Variants in AP4E1 observed in about 807,000 individuals in gnomAD.
AP4E1 encodes the protein AP-4 complex subunit epsilon-1.
AP4E1 carries 56 observed loss-of-function variants against 128.2 expected under a neutral mutation model. The ratio of observed to expected loss-of-function variants is 0.44; its 90% CI spans 0.35 to 0.55. AP4E1 has a LOEUF of 0.55. Ranked by LOEUF, AP4E1 falls within the 20% of genes least tolerant of loss-of-function variation. AP4E1 has a pLI of 0.00. For synonymous variants in AP4E1, 484 were observed against 473.1 expected (o/e 1.02, Z -0.30); for missense variants, 1,324 against 1,307.7 (o/e 1.01, Z -0.19).
chr15:50,934,142 A>G (rs1413287255), intron 7 of AP4E1, among the ~76,000 whole-genome samples: 1 of 152,030 alleles, frequency 6.6e-6, no homozygotes, highest in East Asian at 1.9e-4. Context: ...CTTTTTTTAT[A>G]TTTAATGTAA....
chr15:50,988,891 A>G (rs2064766789), intron 16 of AP4E1, among the ~76,000 whole-genome samples: 3 of 152,176 alleles, frequency 2.0e-5, no homozygotes, highest in Admixed American at 6.5e-5. Context: ...ATTTGCTAAA[A>G]TGTCTTATTT....
At chr15:50,949,074 C>T (rs943752557) in intron 11 of AP4E1, among the ~76,000 whole-genome samples, 3 of 151,830 alleles carry the variant, frequency 2.0e-5, no homozygotes, top group African/African-American at 7.3e-5. Context: ...TTGTCCTAGT[C>T]AGTGCTGTAG....
intron 10 of AP4E1, among the ~76,000 whole-genome samples, chr15:50,942,309 G>A (rs2063998895): frequency 6.6e-6 from 1 of 152,108 alleles, no homozygotes; most frequent in South Asian, 2.1e-4. Context: ...GAAGGAATTA[G>A]GTCCAGTCAT....
At chr15:50,987,608 C>T (rs1312504831) in intron 16 of AP4E1, among the ~76,000 whole-genome samples, 4 of 152,096 alleles carry the variant, frequency 2.6e-5, no homozygotes, top group African/African-American at 7.2e-5. Context: ...TGTAGTTGAG[C>T]GGTTTTGAGT....
In AP4E1 at chr15:50,958,709, A is replaced by G; in HGVS notation, c.1766A>G (p.His589Arg). 7 of 1,614,172 alleles carry G rather than the reference A, an allele frequency of 4.3e-6. No homozygotes were observed. Among genetic ancestry groups the G allele is most frequent in the Non-Finnish European group, 5.9e-6 (7 of 1,180,012 alleles). The change falls in exon 14 of 21, where the codon CAT becomes CGT. Residue 589 changes from histidine (H) to arginine (R), a missense_variant. Physicochemically the swap from His to Arg is conservative, Grantham distance 29. Coordinates refer to ENST00000261842, the MANE Select transcript of AP4E1 (RefSeq NM_007347.5). ...TISLDTCMRQ[H>R]AFELKHLHEN... ...TCTTTGGATACTTGTATGAGACAAC[A>G]TGCATTTGAATTAAAACATTTGCAT...
intron 10 of AP4E1, among the ~76,000 whole-genome samples, chr15:50,944,509 C>T (rs1023978495): frequency 2.0e-5 from 3 of 151,962 alleles, no homozygotes; most frequent in Admixed American, 6.6e-5. Flanking sequence ...TGAAGCAGCT[C>T]CATAAGTTGA....
At position 50,912,067 on chromosome 15, in the gene AP4E1, C is replaced by T. The variant is rs1384014717; in HGVS notation, c.151-11C>T. Reference sequence around the variant, plus strand: ...AGTTAATCAAGCATTTAAATATTTTCACTTTCTCAGGAAGAAGAAAAATTA... The same window carrying T: ...AGTTAATCAAGCATTTAAATATTTTTACTTTCTCAGGAAGAAGAAAAATTA... On this transcript the variant is annotated splice_polypyrimidine_tract_variant and intron_variant, in intron 1 of 20. Transcript: ENST00000261842. The T allele has an allele frequency of 3.7e-6, 6 of 1,610,218 alleles. No individual in the cohort carries two copies. Among genetic ancestry groups the T allele is most frequent in the Non-Finnish European group, 5.1e-6 (6 of 1,176,658 alleles).
In AP4E1 at chr15:50,999,102, G is replaced by A; in HGVS notation, c.2935G>A (p.Val979Ile). Reference protein sequence around the residue: ...VTEQPGCCLPVMEAESTKSFQ... With the variant: ...VTEQPGCCLPIMEAESTKSFQ... ...TGAGCAACCTGGATGCTGTTTGCCT[G>A]TAATGGAAGCAGAAAGCACCAAAAG... is the stretch of plus-strand genomic sequence containing the variant. Residue 979 changes from valine (V) to isoleucine (I), a missense_variant, in exon 19 of 21, where the codon GTA becomes ATA. By Grantham distance (29) the Val-to-Ile change is conservative. Coordinates refer to ENST00000261842, the MANE Select transcript of AP4E1 (RefSeq NM_007347.5). The A allele has an allele frequency of 1.9e-6, 3 of 1,613,990 alleles. No individual in the cohort carries two copies. Among genetic ancestry groups the A allele is most frequent in the South Asian group, 1.1e-5 (1 of 91,080 alleles).
chr15:50,935,303 G>A lies in AP4E1; in HGVS notation c.943+606G>A, dbSNP rs368069946. Reference sequence around the variant, plus strand: ...AGAAATATTTAAGAAGACATCTGAAGGATGAATAGGATATAGGCAGGAATA... The same window carrying A: ...AGAAATATTTAAGAAGACATCTGAAAGATGAATAGGATATAGGCAGGAATA... On this transcript the variant is annotated intron_variant, in intron 8 of 20. Coordinates refer to ENST00000261842, the MANE Select transcript of AP4E1 (RefSeq NM_007347.5). Among the ~76,000 whole-genome samples the A allele has an allele frequency of 5.3e-5, 8 of 152,070 alleles. No homozygotes were observed. In the East Asian group the frequency reaches 1.5e-3, roughly 29 times the overall value.
intron 10 of AP4E1, chr15:50,944,973 A>C: frequency 1.3e-6 from 1 of 765,632 alleles, no homozygotes; most frequent in Non-Finnish European, 2.4e-6. Context: ...TATCCATACA[A>C]TACAAGCACA....
intron 14 of AP4E1, among the ~76,000 whole-genome samples, chr15:50,964,415 G>T (rs1236678094): frequency 6.9e-6 from 1 of 144,410 alleles, no homozygotes; most frequent in African/African-American, 2.6e-5. Flanking sequence ...GTGTTCTCTT[G>T]TATCTTTTGA....
At position 50,915,585 on chromosome 15, in the gene AP4E1, T is replaced by C. The variant is rs1567207699; in HGVS notation, c.346+14T>C. Reference sequence around the variant, plus strand: ...AAAAAAGAGTAGGTATGTATGTGTTTTAAGACTTTGATGCTTTCATGTTGT... The same window carrying C: ...AAAAAAGAGTAGGTATGTATGTGTTCTAAGACTTTGATGCTTTCATGTTGT... On this transcript the variant is annotated intron_variant, in intron 3 of 20. Coordinates refer to ENST00000261842, the MANE Select transcript of AP4E1 (RefSeq NM_007347.5). The C allele has an allele frequency of 2.4e-5, 38 of 1,613,174 alleles. No individual in the cohort carries two copies. Among genetic ancestry groups the C allele is most frequent in the Non-Finnish European group, 3.1e-5 (37 of 1,179,570 alleles).
chr15:50,966,284 A>G (rs1470360372), intron 14 of AP4E1, among the ~76,000 whole-genome samples: 3 of 152,140 alleles, frequency 2.0e-5, no homozygotes, highest in Non-Finnish European at 4.4e-5. Flanking sequence ...AAAGGTTATT[A>G]TTTCCACTAA....
In AP4E1 at chr15:50,999,186, A is replaced by G. The variant is rs537171165; in HGVS notation, c.3019A>G (p.Ile1007Val). The change falls in exon 19 of 21, where the codon ATT becomes GTT. Residue 1007 changes from isoleucine to valine, a missense_variant. Ile to Val is a conservative substitution (Grantham distance 29, BLOSUM62 3). Transcript: ENST00000261842. Reference protein sequence around the residue: ...PFTEGNLTGFISYHMMDTHSA... With the variant: ...PFTEGNLTGFVSYHMMDTHSA... ...TACAGAAGGAAATCTTACTGGTTTTATTAGTTATCATATGATGGATACTCA... is the reference window on the plus strand; with the variant it reads ...TACAGAAGGAAATCTTACTGGTTTTGTTAGTTATCATATGATGGATACTCA... The G allele has an allele frequency of 1.2e-6, 2 of 1,613,728 alleles. No homozygotes were observed. Among genetic ancestry groups the G allele is most frequent in the African/African-American group, 1.3e-5 (1 of 75,040 alleles).
chr15:50,964,198 A>G (rs1199725673), intron 14 of AP4E1, among the ~76,000 whole-genome samples: 1 of 151,552 alleles, frequency 6.6e-6, no homozygotes, highest in African/African-American at 2.4e-5. Flanking sequence ...TTATTTATTT[A>G]TTTTTGTCTG....
chr15:50,974,522 G>A (rs756439921), intron 15 of AP4E1, among the ~76,000 whole-genome samples: 1 of 151,424 alleles, frequency 6.6e-6, no homozygotes, highest in African/African-American at 2.4e-5. Context: ...CTACCTTGAC[G>A]TTGCAAAGCA....
intron 14 of AP4E1, among the ~76,000 whole-genome samples, chr15:50,966,788 C>T (rs369340581): frequency 6.6e-5 from 10 of 152,206 alleles, no homozygotes; most frequent in South Asian, 6.2e-4. Context: ...CCACCCGCCT[C>T]GGCCTCCCAG....
chr15:50,985,024 A>C (rs1406265380), intron 16 of AP4E1, among the ~76,000 whole-genome samples: 2 of 152,088 alleles, frequency 1.3e-5, no homozygotes, highest in Admixed American at 6.6e-5. Context: ...ATGGTATCTC[A>C]TTGTGGTTTT....
chr15:50,936,847 T>C (rs140887329), intron 8 of AP4E1, among the ~76,000 whole-genome samples: 4 of 152,192 alleles, frequency 2.6e-5, no homozygotes, highest in African/African-American at 9.6e-5. Context: ...TGCAGGAGAA[T>C]TGCTTGAACC....
Sources: allele counts gnomAD v4.1 joint callset (sites outside exome capture counted in the v4.1 genomes callset), GRCh38; gene constraint gnomAD v4.1.1; transcripts MANE v1.5; gene names NCBI Gene and HGNC (gene_info 2026-07-23, HGNC 2026-07-21).